The following KCNQ1OT1 variants were observed in gnomAD, a reference collection of about 807,000 sequenced individuals.
The protein encoded by KCNQ1OT1 is KCNQ1 antisense RNA 2 (non-protein coding).
At position 2,613,163 on chromosome 11, in the gene KCNQ1OT1, A is replaced by G; in HGVS notation, n.86832T>C. ...TGAGGGGATCTATGTGTGGGTTGGG[A>G]CATTCAAAGTTCAGGCACTTTATAA... On this transcript the variant is annotated non_coding_transcript_exon_variant, in exon 1 of 1. Transcript: ENST00000597346. The surrounding 1 kb of genome is among the most constrained non-coding windows in gnomAD (Gnocchi z 4.8). 1 of 398,534 alleles carries G rather than the reference A, an allele frequency of 2.5e-6. No homozygotes were observed. The highest frequency in any genetic ancestry group is 4.4e-6 in the Non-Finnish European group (1 of 226,052). The allele number at this position is 398,534 out of a possible 1,614,324, so 24.7% of individuals were successfully genotyped here. A position where few individuals can be genotyped will look rare whatever the true frequency, so the allele number is the denominator to read the frequency against.
rs1850125057 is a variant in KCNQ1OT1, at chr11:2,668,584, T to C, written n.31411A>G. ...CTTTCCATGTTATCATTTAGTCAGA[T>C]ACATCATTCTGTATAAATTGCCTAC... On this transcript the variant is annotated non_coding_transcript_exon_variant, in exon 1 of 1. Coordinates refer to ENST00000597346, the Ensembl canonical transcript of KCNQ1OT1. This position sits in a 1 kb window ranked among gnomAD's most constrained non-coding sequence, Gnocchi z 4.3. The C allele has an allele frequency of 2.5e-6, 1 of 398,516 alleles. No homozygotes were observed. Among genetic ancestry groups the C allele is most frequent in the Admixed American group, 4.4e-5 (1 of 22,720 alleles). 24.7% of individuals were successfully genotyped at this position (398,516 alleles called of 1,614,324 possible). A position where few individuals can be genotyped will look rare whatever the true frequency, so the allele number is the denominator to read the frequency against.
At chr11:2,696,456 C>A in exon 1 of KCNQ1OT1, 1 of 398,656 alleles carries the variant, frequency 2.5e-6, no homozygotes, top group Admixed American at 4.4e-5. Context: ...GTCACCACAC[C>A]GCTCTGATTG....
chr11:2,646,992 A>G (rs567292503), exon 1 of KCNQ1OT1: 2 of 398,470 alleles, frequency 5.0e-6, no homozygotes, highest in East Asian at 7.1e-5. Context: ...TTACTTGCCT[A>G]ATTGTTCTGG....
At chr11:2,641,629 T>A in exon 1 of KCNQ1OT1, 1 of 398,478 alleles carries the variant, frequency 2.5e-6, no homozygotes, top group Non-Finnish European at 4.4e-6. Flanking sequence ...GTGTACAAGC[T>A]TTATCATTTA....
At chr11:2,616,841 G>A (rs1849073489) in exon 1 of KCNQ1OT1, 1 of 398,246 alleles carries the variant, frequency 2.5e-6, no homozygotes. Flanking sequence ...ATGTGCACTT[G>A]AGAAGAATGT....
Position 2,657,849 on chromosome 11 carries a change from C to T in KCNQ1OT1, n.42146G>A, listed in dbSNP as rs1029539169. The T allele has an allele frequency of 5.0e-6, 2 of 398,404 alleles. No homozygotes were observed. Among genetic ancestry groups the T allele is most frequent in the Non-Finnish European group, 8.8e-6 (2 of 226,058 alleles). The allele number at this position is 398,404 out of a possible 1,614,324, so 24.7% of individuals were successfully genotyped here. ...GTCTGGTGTTTTCTCAGGACTAGAC[C>T]AGGGTTATAGGTTTAGGGGAAGGAG... On this transcript the variant is annotated non_coding_transcript_exon_variant, in exon 1 of 1. Transcript: ENST00000597346. This position sits in a 1 kb window ranked among gnomAD's most constrained non-coding sequence, Gnocchi z 4.8.
exon 1 of KCNQ1OT1, chr11:2,655,516 A>G (rs751572287): frequency 5.0e-6 from 2 of 398,594 alleles, no homozygotes; most frequent in Non-Finnish European, 8.8e-6. Context: ...CCTTTCAAGT[A>G]CACCATGGGC....
At chr11:2,684,923 G>C (rs1049315400) in exon 1 of KCNQ1OT1, 1 of 398,548 alleles carries the variant, frequency 2.5e-6, no homozygotes, top group Non-Finnish European at 4.4e-6. Context: ...TTGTGTCCCT[G>C]ATCCATGCAG....
chr11:2,652,476 C>A lies in KCNQ1OT1; in HGVS notation n.47519G>T. On this transcript the variant is annotated non_coding_transcript_exon_variant, in exon 1 of 1. Coordinates refer to ENST00000597346, the Ensembl canonical transcript of KCNQ1OT1. The surrounding 1 kb of genome is among the most constrained non-coding windows in gnomAD (Gnocchi z 5.9). ...CCATCCAAAGACCTCCAGAAACTTT[C>A]CTCCCCACCTCTCCAGAGGTTTCTG... 2.5e-6 allele frequency: 1 copy of A among 398,626 alleles called. No homozygotes were observed. Among genetic ancestry groups the A allele is most frequent in the East Asian group, 3.6e-5 (1 of 28,078 alleles). 24.7% of individuals were successfully genotyped at this position (398,626 alleles called of 1,614,324 possible).
In KCNQ1OT1 at chr11:2,611,348, T is replaced by C; in HGVS notation, n.88647A>G. The C allele has an allele frequency of 2.5e-6, 1 of 397,514 alleles. No homozygotes were observed. The highest frequency in any genetic ancestry group is 4.4e-6 in the Non-Finnish European group (1 of 225,938). 24.6% of individuals were successfully genotyped at this position (397,514 alleles called of 1,614,324 possible). On this transcript the variant is annotated non_coding_transcript_exon_variant, in exon 1 of 1. Coordinates refer to ENST00000597346, the Ensembl canonical transcript of KCNQ1OT1. The surrounding 1 kb of genome is among the most constrained non-coding windows in gnomAD (Gnocchi z 5.3). ...CGTTCTCTTGCCTCAGCATCCCAAG[T>C]AGCTGGGACTACAGGCATTTGCCAC...
chr11:2,664,594 C>T lies in KCNQ1OT1; in HGVS notation n.35401G>A. 2.5e-6 allele frequency: 1 copy of T among 398,658 alleles called. No homozygotes were observed. Among genetic ancestry groups the T allele is most frequent in the East Asian group, 3.6e-5 (1 of 28,054 alleles). The allele number at this position is 398,658 out of a possible 1,614,324, so 24.7% of individuals were successfully genotyped here. A position where few individuals can be genotyped will look rare whatever the true frequency, so the allele number is the denominator to read the frequency against. On this transcript the variant is annotated non_coding_transcript_exon_variant, in exon 1 of 1. Transcript: ENST00000597346. This position sits in a 1 kb window ranked among gnomAD's most constrained non-coding sequence, Gnocchi z 5.1. The stretch of plus-strand genomic sequence containing the variant: ...TGCCCGCATTGGGGCTGCATTCCTC[C>T]ACCTCCTGCACAGCCCGCCCAGTGA...
At position 2,691,762 on chromosome 11, in the gene KCNQ1OT1, T is replaced by C; in HGVS notation, n.8233A>G. ...GCAGGGGACATTCCACTAGGGCCAT[T>C]TGCAGGCCAGTGGCCATCCACTGCC... On this transcript the variant is annotated non_coding_transcript_exon_variant, in exon 1 of 1. Coordinates refer to ENST00000597346, the Ensembl canonical transcript of KCNQ1OT1. The surrounding 1 kb of genome is among the most constrained non-coding windows in gnomAD (Gnocchi z 6.4). 2.5e-6 allele frequency: 1 copy of C among 398,598 alleles called. No individual in the cohort carries two copies. The highest frequency in any genetic ancestry group is 4.4e-6 in the Non-Finnish European group (1 of 226,134). The allele number at this position is 398,598 out of a possible 1,614,324, so 24.7% of individuals were successfully genotyped here.
rs1849559407 is a variant in KCNQ1OT1, at chr11:2,640,645, G to C, written n.59350C>G. The C allele has an allele frequency of 7.5e-6, 3 of 397,736 alleles. No homozygotes were observed. The South Asian group carries it at 3.8e-4, about 51-fold the overall frequency. The allele number at this position is 397,736 out of a possible 1,614,324, so 24.6% of individuals were successfully genotyped here. On this transcript the variant is annotated non_coding_transcript_exon_variant, in exon 1 of 1. Coordinates refer to ENST00000597346, the Ensembl canonical transcript of KCNQ1OT1. Reference sequence around the variant, plus strand: ...CATGCATCGAATGTGTAATGATCAAGTCAGGGTATCCATCACCCTCAATTT... The same window carrying C: ...CATGCATCGAATGTGTAATGATCAACTCAGGGTATCCATCACCCTCAATTT...
chr11:2,651,021 C>T lies in KCNQ1OT1; in HGVS notation n.48974G>A, dbSNP rs1849748682. The T allele has an allele frequency of 7.5e-6, 3 of 398,774 alleles. No homozygotes were observed. Among genetic ancestry groups the T allele is most frequent in the Non-Finnish European group, 1.3e-5 (3 of 226,148 alleles). 24.7% of individuals were successfully genotyped at this position (398,774 alleles called of 1,614,324 possible). On this transcript the variant is annotated non_coding_transcript_exon_variant, in exon 1 of 1. Coordinates refer to ENST00000597346, the Ensembl canonical transcript of KCNQ1OT1. This position sits in a 1 kb window ranked among gnomAD's most constrained non-coding sequence, Gnocchi z 6.1. ...GCCCACACCTAGTCTCTCCAGCTAT[C>T]TCCCTGGTTAAAACCACCACCATTT...
exon 1 of KCNQ1OT1, chr11:2,675,213 C>T: frequency 2.5e-6 from 1 of 398,544 alleles, no homozygotes. Flanking sequence ...GTCATTTCCC[C>T]AGAATAGCCA....
rs1413497934 is a variant in KCNQ1OT1 at position 2,608,510 on chromosome 11, CTG to C, written n.91483_91484del. 9.3e-5 allele frequency: 37 copies of C among 398,596 alleles called. No homozygotes were observed. Among genetic ancestry groups the C allele is most frequent in the Middle Eastern group, 1.3e-3 (2 of 1,588 alleles). 24.7% of individuals were successfully genotyped at this position (398,596 alleles called of 1,614,324 possible). A position where few individuals can be genotyped will look rare whatever the true frequency, so the allele number is the denominator to read the frequency against. On this transcript the variant is annotated non_coding_transcript_exon_variant, in exon 1 of 1. Coordinates refer to ENST00000597346, the Ensembl canonical transcript of KCNQ1OT1. The surrounding 1 kb of genome is among the most constrained non-coding windows in gnomAD (Gnocchi z 4.6). ...TCTTTTTGAGAAACAGAGTCTCTCTCTGTTGCCCAGGCTGGAATAGAGTGGTG... is the reference window on the plus strand; with the variant it reads ...TCTTTTTGAGAAACAGAGTCTCTCTCTTGCCCAGGCTGGAATAGAGTGGTG...
chr11:2,646,598 T>C, exon 1 of KCNQ1OT1: 1 of 398,674 alleles, frequency 2.5e-6, no homozygotes, highest in Non-Finnish European at 4.4e-6. Context: ...CAATTTCTGC[T>C]CACTGCAACC....
exon 1 of KCNQ1OT1, chr11:2,685,743 C>A (rs2133885847): frequency 5.0e-6 from 2 of 398,714 alleles, no homozygotes; most frequent in South Asian, 1.3e-4. Flanking sequence ...CCGAAATGGC[C>A]AGCAGGCAGG....
Position 2,613,856 on chromosome 11 carries a change from G to T in KCNQ1OT1, n.86139C>A. ...CAGTGTTTTCTAGTTTATAGTTTGT[G>T]TGTGTTTGCTCTTTATAAGACATGA... is the stretch of plus-strand genomic sequence containing the variant. On this transcript the variant is annotated non_coding_transcript_exon_variant, in exon 1 of 1. Transcript: ENST00000597346. The surrounding 1 kb of genome is among the most constrained non-coding windows in gnomAD (Gnocchi z 4.8). 1 of 398,490 alleles carries T rather than the reference G, an allele frequency of 2.5e-6. No individual in the cohort carries two copies. The highest frequency in any genetic ancestry group is 4.4e-6 in the Non-Finnish European group (1 of 226,030). The allele number at this position is 398,490 out of a possible 1,614,324, so 24.7% of individuals were successfully genotyped here.
Sources: allele counts gnomAD v4.1 joint callset, GRCh38; gene constraint gnomAD v4.1.1; non-coding constraint Gnocchi (gnomAD v3.1); transcripts MANE v1.5; gene names NCBI Gene and HGNC (gene_info 2026-07-23, HGNC 2026-07-21).